The following AGRN variants were observed in gnomAD, a reference collection of about 807,000 sequenced individuals.
AGRN encodes the protein agrin proteoglycan.
Under a neutral mutation model 211.0 loss-of-function variants are expected in AGRN, and 106 were observed. The ratio of observed to expected loss-of-function variants is 0.50; its 90% CI spans 0.43 to 0.59. The LOEUF is 0.59. AGRN is among the 20% of genes least tolerant of loss of function. The probability of loss-of-function intolerance (pLI) is 0.00; values close to 1 mark genes in which losing one functional copy is unlikely to be tolerated. For synonymous variants in AGRN, 1,525 were observed against 1,332.5 expected, an observed-to-expected ratio of 1.14 and a Z score of -3.15; for missense variants, 3,040 against 2,982.6, an observed-to-expected ratio of 1.02 and a Z score of -0.45.
Position 1,041,718 on chromosome 1 carries a change from G to A in AGRN, c.1177+16G>A, listed in dbSNP as rs775682524. 1.4e-5 allele frequency: 22 copies of A among 1,564,334 alleles called. No homozygotes were observed. The South Asian group carries it at 2.0e-4, about 14-fold the overall frequency. ...CAGGGTCGAGGTGAGCGGCTCCCCC[G>A]GGGGAGGGCTCCGGCCAGTGCCAGG... On this transcript the variant is annotated intron_variant, in intron 6 of 35. Coordinates refer to ENST00000379370, the MANE Select transcript of AGRN (RefSeq NM_198576.4).
At chr1:1,034,930 A>AG (rs961731778) in intron 2 of AGRN, 3 of 400,174 alleles carry the variant, frequency 7.5e-6, no homozygotes, top group African/African-American at 6.0e-5. Flanking sequence ...CTGGGGAGGG[A>AG]GGGGCAGCCG....
intron 2 of AGRN, 32 bp downstream of exon 2, chr1:1,022,494 T>G: frequency 1.9e-6 from 3 of 1,556,466 alleles, no homozygotes; most frequent in Non-Finnish European, 1.8e-6. Context: ...TGGGGGCCTG[T>G]GGGGGTCAGG....
Position 1,040,817 on chromosome 1 carries a change from G to A in AGRN, c.664G>A (p.Glu222Lys), listed in dbSNP as rs1242198480. The change falls in exon 4 of 36, where the codon GAG becomes AAG. Residue 222 changes from glutamate to lysine, a missense_variant. By Grantham distance (56) the Glu-to-Lys change is moderately conservative. Transcript: ENST00000379370. ...CGCCTCCACCTACAGCAACGAATGCGAGCTGCAGCGGGCGCAGTGCAGCCA... is the reference window on the plus strand; with the variant it reads ...CGCCTCCACCTACAGCAACGAATGCAAGCTGCAGCGGGCGCAGTGCAGCCA... The part of the protein sequence containing the change: ...SDASTYSNEC[E>K]LQRAQCSQQR... 1.0e-5 allele frequency: 16 copies of A among 1,537,600 alleles called. No individual in the cohort carries two copies. The highest frequency in any genetic ancestry group is 1.4e-5 in the Non-Finnish European group (16 of 1,147,714).
chr1:1,034,165 C>T, intron 2 of AGRN: 1 of 985,366 alleles, frequency 1.0e-6, no homozygotes, highest in African/African-American at 1.7e-5. Flanking sequence ...ACCCTCGGCG[C>T]CCGGCCCCCG....
In AGRN at chr1:1,049,786, G is replaced by A. The variant is rs556296275; in HGVS notation, c.4735G>A (p.Gly1579Ser). 1.9e-5 allele frequency: 30 copies of A among 1,595,544 alleles called. No homozygotes were observed. In the East Asian group the frequency reaches 3.2e-4, roughly 17 times the overall value. The change falls in exon 26 of 36, where the codon GGC becomes AGC. Residue 1579 changes from glycine to serine, a missense_variant. Physicochemically the swap from Gly to Ser is moderately conservative, Grantham distance 56. This residue lies in a region of AGRN where 1,537 missense variants were observed against 1,505.0 expected (regional missense o/e 1.02). Transcript: ENST00000379370. Reference protein sequence around the residue: ...AGRFHCQCPPGRVGPTCADEK... With the variant: ...AGRFHCQCPPSRVGPTCADEK... ...AAGGTTCCATTGCCAGTGCCCGCCC[G>A]GCCGCGTCGGTGAGGGTGGGGCCGG...
rs1313469026 is a variant in AGRN at position 1,020,377 on chromosome 1, C to A, written c.201+4C>A. On this transcript the variant is annotated splice_donor_region_variant and intron_variant, in intron 1 of 35. Coordinates refer to ENST00000379370, the MANE Select transcript of AGRN (RefSeq NM_198576.4). ...GCAGCACACGTACTCCTGCAAGGTG[C>A]GCCCACCCGGACCCCGGCCTCCCCT... The A allele has an allele frequency of 3.3e-6, 5 of 1,494,914 alleles. No homozygotes were observed. The highest frequency in any genetic ancestry group is 2.2e-5 in the Admixed American group (1 of 45,840). The allele number at this position is 1,494,914 out of a possible 1,614,324, so 92.6% of individuals were successfully genotyped here. A position where few individuals can be genotyped will look rare whatever the true frequency, so the allele number is the denominator to read the frequency against.
intron 33 of AGRN, chr1:1,052,896 G>A (rs1160714379): frequency 1.2e-5 from 2 of 160,086 alleles, no homozygotes; most frequent in African/African-American, 4.8e-5. Context: ...GTGTGTCCGA[G>A]TGTGTGCATG....
intron 3 of AGRN, among the ~76,000 whole-genome samples, chr1:1,035,971 G>A (rs1644795825): frequency 6.6e-6 from 1 of 152,154 alleles, no homozygotes; most frequent in Non-Finnish European, 1.5e-5. Flanking sequence ...GAGGGGAAGA[G>A]AGGAAGTGGT....
intron 2 of AGRN, among the ~76,000 whole-genome samples, chr1:1,023,627 C>T (rs899734957): frequency 6.6e-6 from 1 of 152,146 alleles, no homozygotes; most frequent in East Asian, 1.9e-4. Context: ...GTTCCTGTCC[C>T]TGCAAGATCA....
chr1:1,040,395 G>C (rs920963227), intron 3 of AGRN, among the ~76,000 whole-genome samples: 1 of 152,178 alleles, frequency 6.6e-6, no homozygotes, highest in African/African-American at 2.4e-5. Context: ...TGCGGCAGAC[G>C]CCCCTCTCCG....
chr1:1,054,052 C>A, intron 34 of AGRN, 75 bp downstream of exon 34: 1 of 1,472,408 alleles, frequency 6.8e-7, no homozygotes, highest in Non-Finnish European at 9.3e-7. Flanking sequence ...TGTGTCCAGT[C>A]ACTTGTGACC....
chr1:1,029,648 GTGCATGGTGC>G, intron 2 of AGRN, among the ~76,000 whole-genome samples: 1 of 101,388 alleles, frequency 9.9e-6, no homozygotes, highest in African/African-American at 3.5e-5. Context: ...TGTGTGTGCA[GTGCATGGTGC>G]TGTGAGATCA....
At position 1,040,898 on chromosome 1, in the gene AGRN, G is replaced by A; in HGVS notation, c.727+18G>A. The A allele has an allele frequency of 1.4e-6, 2 of 1,441,410 alleles. No individual in the cohort carries two copies. Among genetic ancestry groups the A allele is most frequent in the Non-Finnish European group, 1.8e-6 (2 of 1,109,334 alleles). The allele number at this position is 1,441,410 out of a possible 1,614,324, so 89.3% of individuals were successfully genotyped here. The stretch of plus-strand genomic sequence containing the variant: ...GCCGTGCGGTGAGCGGGGCGGGGCC[G>A]GTGCCTGGGGCGGGGAGGGGCGGGG... On this transcript the variant is annotated intron_variant, in intron 4 of 35. Transcript: ENST00000379370.
rs761240917 is a variant in AGRN, at chr1:1,048,851, C to T, written c.4106-16C>T. Reference sequence around the variant, plus strand: ...TCGGAGCTTTTCCAGCCGGCCCTCCCGGTCGCCCTTTGCAGTGCTTGGCGC... The same window carrying T: ...TCGGAGCTTTTCCAGCCGGCCCTCCTGGTCGCCCTTTGCAGTGCTTGGCGC... On this transcript the variant is annotated splice_polypyrimidine_tract_variant and intron_variant, in intron 23 of 35. Transcript: ENST00000379370. The surrounding 1 kb of genome is among the most constrained non-coding windows in gnomAD (Gnocchi z 5.9). 57 of 1,527,984 alleles carry T rather than the reference C, an allele frequency of 3.7e-5. No individual in the cohort carries two copies. Among genetic ancestry groups the T allele is most frequent in the Admixed American group, 3.0e-4 (15 of 50,518 alleles). The allele number at this position is 1,527,984 out of a possible 1,614,324, so 94.7% of individuals were successfully genotyped here.
Position 1,042,060 on chromosome 1 carries a change from G to C in AGRN, c.1282G>C (p.Val428Leu). ...CACCTGTGACGGGGCCTACAGGCCC[G>C]TGTGTGCCCAGGACGGGCGCACGTA... Reference protein sequence around the residue: ...RVTCDGAYRPVCAQDGRTYDS... With the variant: ...RVTCDGAYRPLCAQDGRTYDS... The change falls in exon 7 of 36, where the codon GTG (valine) becomes CTG (leucine). Residue 428 changes from valine (V) to leucine (L), a missense_variant. Val to Leu is a conservative substitution (Grantham distance 32). Around this residue, in one of 3 missense-constraint regions of AGRN, gnomAD observed 1,498 missense variants for 1,457.8 expected, o/e 1.03. Coordinates refer to ENST00000379370, the MANE Select transcript of AGRN (RefSeq NM_198576.4). The C allele has an allele frequency of 1.2e-6, 2 of 1,607,840 alleles. No individual in the cohort carries two copies. The highest frequency in any genetic ancestry group is 1.7e-6 in the Non-Finnish European group (2 of 1,179,500).
intron 1 of AGRN, 130 bp downstream of exon 1, chr1:1,020,503 C>A (rs1225456976): frequency 2.2e-6 from 2 of 890,996 alleles, no homozygotes; most frequent in Non-Finnish European, 3.0e-6. Context: ...GACCGCCAAG[C>A]CCCGGGAGGG....
At position 1,020,204 on chromosome 1, in the gene AGRN, G is replaced by T. The variant is rs1281912578; in HGVS notation, c.32G>T (p.Arg11Leu). The change falls in exon 1 of 36, where the codon CGG (arginine) becomes CTG (leucine). Residue 11 changes from arginine (R) to leucine (L), a missense_variant. By Grantham distance (102) the Arg-to-Leu change is moderately radical (BLOSUM62 -2). Coordinates refer to ENST00000379370, the MANE Select transcript of AGRN (RefSeq NM_198576.4). MAGRSHPGPL[R>L]PLLPLLVVAA... ...GGCCGGTCCCACCCGGGCCCGCTGCGGCCGCTGCTGCCGCTCCTTGTGGTG... is the reference window on the plus strand; with the variant it reads ...GGCCGGTCCCACCCGGGCCCGCTGCTGCCGCTGCTGCCGCTCCTTGTGGTG... 7 of 1,368,114 alleles carry T rather than the reference G, an allele frequency of 5.1e-6. No homozygotes were observed. In the African/African-American group the frequency reaches 1.1e-4, roughly 21 times the overall value. 84.7% of individuals were successfully genotyped at this position (1,368,114 alleles called of 1,614,324 possible).
In AGRN at chr1:1,031,166, G is replaced by A. The variant is rs551749894; in HGVS notation, c.464-4111G>A. On this transcript the variant is annotated intron_variant, in intron 2 of 35. Coordinates refer to ENST00000379370, the MANE Select transcript of AGRN (RefSeq NM_198576.4). The surrounding 1 kb of genome is among the most constrained non-coding windows in gnomAD (Gnocchi z 4.8). ...TGCATGGTGCTGTGTGAGATTGTGT[G>A]TGTGCAGTGCATGGTGCTGAGTGTG... is the stretch of plus-strand genomic sequence containing the variant. Among the ~76,000 whole-genome samples, 29 of 147,780 alleles carry A rather than the reference G, an allele frequency of 2.0e-4. No homozygotes were observed. The highest frequency in any genetic ancestry group is 3.6e-4 in the Non-Finnish European group (24 of 67,050).
chr1:1,047,044 C>T (rs1297032453), intron 19 of AGRN, 87 bp downstream of exon 19: 2 of 1,534,844 alleles, frequency 1.3e-6, no homozygotes, highest in Admixed American at 2.0e-5. Context: ...CAGGTCAGTG[C>T]CGGGGGTTAT....
Sources: allele counts gnomAD v4.1 joint callset (sites outside exome capture counted in the v4.1 genomes callset), GRCh38; gene constraint gnomAD v4.1.1; regional missense constraint gnomAD v4.1.1; non-coding constraint Gnocchi (gnomAD v3.1); transcripts MANE v1.5; gene names NCBI Gene and HGNC (gene_info 2026-07-23, HGNC 2026-07-21).